Variants in DCAF10 observed in about 807,000 individuals in gnomAD.
DCAF10 encodes DDB1 and CUL4 associated factor 10.
DCAF10 carries 19 observed loss-of-function variants against 51.9 expected under a neutral mutation model. That is an observed-to-expected ratio of 0.37 (90% CI 0.26 to 0.54). The LOEUF (loss-of-function observed/expected upper bound fraction) is 0.54, where lower values mean the gene tolerates loss of function less well. DCAF10 is among the 20% of genes least tolerant of loss of function. The probability of loss-of-function intolerance (pLI) is 0.87; values close to 1 mark genes in which losing one functional copy is unlikely to be tolerated. For missense variants in DCAF10, 510 were observed against 730.6 expected (o/e 0.70, Z 3.48); for synonymous variants, 291 against 297.1 (o/e 0.98, Z 0.21).
At chr9:37,831,947 C>G (rs1247441700) in intron 2 of DCAF10, 1 of 152,060 alleles carries the variant, frequency 6.6e-6, no homozygotes, top group Non-Finnish European at 1.5e-5. Flanking sequence ...GACTCCGTCT[C>G]AAAAAACAAA....
chr9:37,817,592 CGTCTCAGAAAAAAAGAATCTCCCAGA>C (rs148230852), intron 1 of DCAF10, among the ~76,000 whole-genome samples: 19,375 of 151,708 alleles, frequency 0.13, 1,404 homozygotes, highest in Non-Finnish European at 0.16. Flanking sequence ...AGCGAGACTT[CGTCTCAGAAAAAAAGAATCTCCCAGA>C]GTCTGGGACT....
At chr9:37,823,700 A>G (rs1227034478) in intron 2 of DCAF10, among the ~76,000 whole-genome samples, 1 of 152,128 alleles carries the variant, frequency 6.6e-6, no homozygotes, top group Non-Finnish European at 1.5e-5. Context: ...ATTTTATAGT[A>G]GTCACACTAA....
At chr9:37,830,802 T>C (rs1829983718) in intron 2 of DCAF10, among the ~76,000 whole-genome samples, 1 of 152,274 alleles carries the variant, frequency 6.6e-6, no homozygotes, top group South Asian at 2.1e-4. Flanking sequence ...TATTTATCAA[T>C]GTTAGCCTTC....
chr9:37,835,966 G>A (rs959280117), intron 2 of DCAF10: 2 of 979,774 alleles, frequency 2.0e-6, no homozygotes, highest in Non-Finnish European at 3.3e-6. Flanking sequence ...ATTGCCCTTA[G>A]AACTGTTTAC....
chr9:37,852,974 T>C (rs1830726123), intron 3 of DCAF10, among the ~76,000 whole-genome samples: 1 of 106,686 alleles, frequency 9.4e-6, no homozygotes, highest in South Asian at 3.6e-4. Context: ...ATAAATTAGC[T>C]TGATTTAGCT....
At chr9:37,856,712 G>A (rs959963622) in intron 4 of DCAF10, among the ~76,000 whole-genome samples, 3 of 152,146 alleles carry the variant, frequency 2.0e-5, no homozygotes, top group Admixed American at 6.5e-5. Flanking sequence ...TCAGGAGGCT[G>A]AGGCTGAGGC....
chr9:37,826,889 G>A (rs1479870437), intron 2 of DCAF10, among the ~76,000 whole-genome samples: 3 of 143,950 alleles, frequency 2.1e-5, no homozygotes, highest in Non-Finnish European at 3.0e-5. Flanking sequence ...GCAATGGCGC[G>A]ATCTCGGCTC....
chr9:37,831,963 A>G (rs558961091), intron 2 of DCAF10: 1 of 152,494 alleles, frequency 6.6e-6, no homozygotes, highest in South Asian at 2.1e-4. Context: ...ACAAAACAAA[A>G]AAAAGATCTA....
intron 2 of DCAF10, among the ~76,000 whole-genome samples, chr9:37,828,163 CA>C (rs1269798966): frequency 6.6e-6 from 1 of 152,184 alleles, no homozygotes; most frequent in African/African-American, 2.4e-5. Flanking sequence ...GCTGAAATTA[CA>C]GGCATGAGCC....
At position 37,860,068 on chromosome 9, in the gene DCAF10, C is replaced by A; in HGVS notation, c.1186C>A (p.Leu396Ile). 1 of 1,614,094 alleles carries A rather than the reference C, an allele frequency of 6.2e-7. No homozygotes were observed. The highest frequency in any genetic ancestry group is 1.1e-5 in the South Asian group (1 of 91,068). The stretch of plus-strand genomic sequence containing the variant: ...CTCAGGAGTTTCACCACGAAATAGT[C>A]TTGAAGTCGTAACCCCTGAAGTTCT... ...QREGVSPRNS[L>I]EVVTPEVLGE... is the part of the protein sequence containing the mutation. The change falls in exon 6 of 7, where the codon CTT (leucine) becomes ATT (isoleucine). Residue 396 changes from leucine (L) to isoleucine (I), a missense_variant. Physicochemically the swap from Leu to Ile is conservative, Grantham distance 5. Transcript: ENST00000377724.
chr9:37,816,659 G>GGTGTGTGTGT (rs1554685707), intron 1 of DCAF10, among the ~76,000 whole-genome samples: 186 of 144,984 alleles, frequency 1.3e-3, no homozygotes, highest in African/African-American at 4.4e-3. Flanking sequence ...CTGCACCTGG[G>GGTGTGTGTGT]GTGTGTGTGT....
intron 1 of DCAF10, among the ~76,000 whole-genome samples, chr9:37,814,111 TATATATATATATATATTTG>T (rs1293580144): frequency 1.6e-4 from 15 of 94,510 alleles, no homozygotes; most frequent in African/African-American, 5.4e-4. Context: ...TATATATATA[TATATATATATATATATTTG>T]TTGTTGTTGT....
intron 1 of DCAF10, among the ~76,000 whole-genome samples, chr9:37,812,934 TAAAG>T (rs1260135113): frequency 6.6e-6 from 1 of 152,078 alleles, no homozygotes; most frequent in Non-Finnish European, 1.5e-5. Flanking sequence ...TAGGATGGGA[TAAAG>T]GAAGTTGAAG....
intron 1 of DCAF10, among the ~76,000 whole-genome samples, chr9:37,806,430 C>G (rs909606445): frequency 1.7e-4 from 26 of 152,208 alleles, no homozygotes; most frequent in African/African-American, 6.3e-4. Flanking sequence ...GCCTGGCAAC[C>G]TCCAACACAC....
At chr9:37,836,852 G>A (rs1477385888) in intron 2 of DCAF10, among the ~76,000 whole-genome samples, 3 of 151,718 alleles carry the variant, frequency 2.0e-5, no homozygotes, top group African/African-American at 7.3e-5. Flanking sequence ...TTACCTTTGT[G>A]CAGGCTGGCA....
intron 1 of DCAF10, among the ~76,000 whole-genome samples, chr9:37,810,525 A>G (rs7029863): frequency 0.19 from 28,841 of 151,560 alleles, 3,156 homozygotes; most frequent in African/African-American, 0.29. Context: ...GCAATGGCGC[A>G]ATCTTGGCTC....
chr9:37,814,191 T>A (rs1829456731), intron 1 of DCAF10, among the ~76,000 whole-genome samples: 1 of 139,114 alleles, frequency 7.2e-6, no homozygotes, highest in Non-Finnish European at 1.5e-5. Flanking sequence ...CAGGCTGGAG[T>A]GCAATGGCAC....
chr9:37,806,594 C>T (rs1479393746), intron 1 of DCAF10, among the ~76,000 whole-genome samples: 8 of 152,162 alleles, frequency 5.3e-5, no homozygotes, highest in Admixed American at 6.5e-5. Context: ...ACTGTACTAC[C>T]GCAGTTGCCA....
chr9:37,822,589 C>T (rs997400226), intron 2 of DCAF10, among the ~76,000 whole-genome samples: 4 of 151,864 alleles, frequency 2.6e-5, no homozygotes, highest in African/African-American at 9.7e-5. Flanking sequence ...GGGACCTAAG[C>T]TATGAGGACA....
Sources: gnomAD v4.1 joint callset for allele counts (sites outside exome capture counted in the v4.1 genomes callset) on GRCh38, gnomAD v4.1.1 for gene constraint, MANE v1.5 for transcripts, NCBI Gene and HGNC (gene_info 2026-07-23, HGNC 2026-07-21) for gene names.